FH: variants seen among roughly 807,000 people sequenced by gnomAD.
FH encodes the protein fumarate hydratase, mitochondrial.
FH carries 22 observed loss-of-function variants against 49.4 expected under a neutral mutation model. That is an observed-to-expected ratio of 0.45 (90% CI 0.32 to 0.64). The LOEUF (loss-of-function observed/expected upper bound fraction) is 0.64, where lower values mean the gene tolerates loss of function less well. Ranked by LOEUF, FH falls within the 30% of genes least tolerant of loss-of-function variation. The pLI is 0.05. For missense variants in FH, 526 were observed against 641.5 expected, an observed-to-expected ratio of 0.82 and a Z score of 1.95; for synonymous variants, 208 against 223.0, an observed-to-expected ratio of 0.93 and a Z score of 0.60.
intron 5 of FH, among the ~76,000 whole-genome samples, chr1:241,507,198 A>G (rs1305041000): frequency 1.3e-5 from 2 of 152,186 alleles, no homozygotes; most frequent in African/African-American, 4.8e-5. Context: ...TAGATACACA[A>G]ATACTTACCA....
At position 241,512,149 on chromosome 1, in the gene FH, G is replaced by T; in HGVS notation, c.379-6C>A. On this transcript the variant is annotated splice_region_variant and splice_polypyrimidine_tract_variant and intron_variant, in intron 3 of 9. Transcript: ENST00000366560. ...TTTAATTTACCTTCAGCTACCTGCA[G>T]AAAAAATGTTAAAAATGTATTTTAA... is the stretch of plus-strand genomic sequence containing the variant. 6.2e-7 allele frequency: 1 copy of T among 1,612,148 alleles called. No homozygotes were observed.
intron 1 of FH, chr1:241,519,294 G>A: frequency 5.6e-6 from 2 of 359,056 alleles, no homozygotes; most frequent in East Asian, 5.7e-5. Flanking sequence ...AAAACGCCCC[G>A]GCCTCGGCCC....
chr1:241,505,791 T>C (rs1459509267), intron 6 of FH, among the ~76,000 whole-genome samples: 1 of 152,242 alleles, frequency 6.6e-6, no homozygotes, highest in Admixed American at 6.5e-5. Flanking sequence ...TAGATTTTAA[T>C]GGCATGCTGT....
intron 2 of FH, among the ~76,000 whole-genome samples, 200 bp from the exon 3 acceptor site, chr1:241,513,913 G>A (rs905917014): frequency 3.9e-5 from 6 of 152,048 alleles, no homozygotes; most frequent in African/African-American, 1.4e-4. Context: ...AGATCTATTT[G>A]TTTAAGGAAC....
chr1:241,517,037 T>C, intron 2 of FH, 145 bp downstream of exon 2: 1 of 921,782 alleles, frequency 1.1e-6, no homozygotes, highest in East Asian at 2.6e-5. Context: ...AACATTTTAG[T>C]GAAAGAGAAC....
chr1:241,516,677 G>A (rs928560961), intron 2 of FH, among the ~76,000 whole-genome samples: 6 of 149,438 alleles, frequency 4.0e-5, no homozygotes, highest in East Asian at 3.9e-4. Flanking sequence ...TTTTTGAGAC[G>A]GAGTCTCACT....
intron 2 of FH, 41 bp from the exon 3 acceptor site, chr1:241,513,754 CT>C: frequency 6.6e-7 from 1 of 1,523,182 alleles, no homozygotes; most frequent in Admixed American, 1.7e-5. Context: ...TACAATTTTA[CT>C]TAAGCATGGA....
Position 241,511,948 on chromosome 1 carries a change from G to A in FH, c.555+19C>T. The A allele has an allele frequency of 6.2e-7, 1 of 1,613,068 alleles. No individual in the cohort carries two copies. The highest frequency in any genetic ancestry group is 8.5e-7 in the Non-Finnish European group (1 of 1,179,324). On this transcript the variant is annotated intron_variant, in intron 4 of 9. Coordinates refer to ENST00000366560, the MANE Select transcript of FH (RefSeq NM_000143.4). ...CTTTTCAATTTATAACCAAAAAACA[G>A]CAAAGCTCACATACTGACCTGGCTT...
chr1:241,504,332 T>C (rs906970159), intron 6 of FH, 87 bp from the exon 7 acceptor site: 14 of 1,273,358 alleles, frequency 1.1e-5, no homozygotes, highest in Middle Eastern at 2.6e-4. Context: ...AAAGTTCCAA[T>C]ATACGAAAAA....
intron 4 of FH, 88 bp from the exon 5 acceptor site, chr1:241,508,873 C>T (rs1660002311): frequency 6.9e-6 from 8 of 1,163,930 alleles, no homozygotes; most frequent in Non-Finnish European, 9.9e-6. Context: ...AATTAAAAAA[C>T]TCTCCAACTA....
At chr1:241,503,728 A>G (rs547673884) in intron 7 of FH, among the ~76,000 whole-genome samples, 115 of 152,390 alleles carry the variant, frequency 7.5e-4, no homozygotes, top group African/African-American at 2.7e-3. Flanking sequence ...CATATAACGG[A>G]ATGCAAAAAA....
At chr1:241,500,655 C>T (rs1320090947) in intron 8 of FH, 65 bp from the exon 9 acceptor site, 31 of 1,438,612 alleles carry the variant, frequency 2.2e-5, no homozygotes, top group Admixed American at 3.5e-5. Flanking sequence ...ACTAAGGCAA[C>T]ATGTTTTTTG....
In FH at chr1:241,513,672, G is replaced by A. The variant is rs10926501; in HGVS notation, c.309C>T (p.Ala103=). The change falls in exon 3 of 10, where the codon GCC becomes GCT. Residue 103 remains alanine, a synonymous_variant. Transcript: ENST00000366560. The part of the protein sequence containing the change: ...IKAFGILKRA[A]AEVNQDYGLD... Reference sequence around the variant, plus strand: ...GACCATAATCCTGGTTTACTTCAGCGGCCGCTCGCTTCAAGATGCCAAAAG... The same window carrying A: ...GACCATAATCCTGGTTTACTTCAGCAGCCGCTCGCTTCAAGATGCCAAAAG... The A allele has an allele frequency of 5.0e-3, 8,025 of 1,613,946 alleles. 397 individuals are homozygous for A. The African/African-American group carries it at 0.096, about 19-fold the overall frequency.
chr1:241,518,501 G>T (rs908867174), intron 1 of FH, among the ~76,000 whole-genome samples: 1 of 152,194 alleles, frequency 6.6e-6, no homozygotes, highest in African/African-American at 2.4e-5. Flanking sequence ...CGTAGGTATA[G>T]TGACCCAATC....
At chr1:241,509,712 G>A (rs1036121887) in intron 4 of FH, among the ~76,000 whole-genome samples, 2 of 151,422 alleles carry the variant, frequency 1.3e-5, no homozygotes, top group African/African-American at 2.4e-5. Context: ...GCATTTCCAG[G>A]CTGCAGTGAG....
rs1424868653 is a variant in FH at position 241,508,729 on chromosome 1, A to C, written c.612T>G (p.His204Gln). 1 of 1,613,960 alleles carries C rather than the reference A, an allele frequency of 6.2e-7. No individual in the cohort carries two copies. Among genetic ancestry groups the C allele is most frequent in the Non-Finnish European group, 8.5e-7 (1 of 1,179,840 alleles). ...TCTGTAGTCCTGGTAACAGTACTTC[A>C]TGAACTTCTATTGCAGCAGCAATGT... ...AMHIAAAIEV[H>Q]EVLLPGLQKL... Residue 204 changes from histidine (H) to glutamine (Q), a missense_variant, in exon 5 of 10, where the codon CAT (histidine) becomes CAG (glutamine). Coordinates refer to ENST00000366560, the MANE Select transcript of FH (RefSeq NM_000143.4).
At chr1:241,510,348 G>T (rs1660051929) in intron 4 of FH, among the ~76,000 whole-genome samples, 1 of 152,166 alleles carries the variant, frequency 6.6e-6, no homozygotes, top group Non-Finnish European at 1.5e-5. Context: ...TAAAAGGATG[G>T]TGGCATGCCT....
chr1:241,517,487 C>T (rs775373304), intron 1 of FH, among the ~76,000 whole-genome samples, 171 bp from the exon 2 acceptor site: 5 of 152,180 alleles, frequency 3.3e-5, no homozygotes, highest in Non-Finnish European at 7.4e-5. Context: ...TCCTTGAGAG[C>T]TCTTTGTCAC....
intron 2 of FH, among the ~76,000 whole-genome samples, chr1:241,514,763 A>C (rs1458794678): frequency 6.6e-6 from 1 of 152,082 alleles, no homozygotes; most frequent in African/African-American, 2.4e-5. Flanking sequence ...TTAAGTAACT[A>C]AAATTAAAAC....
Sources: gnomAD v4.1 joint callset for allele counts (sites outside exome capture counted in the v4.1 genomes callset) on GRCh38, gnomAD v4.1.1 for gene constraint, MANE v1.5 for transcripts, NCBI Gene and HGNC (gene_info 2026-07-23, HGNC 2026-07-21) for gene names.